C2CD2L: variants seen among roughly 807,000 people sequenced by gnomAD.
C2CD2L encodes the protein C2CD2 like, also known as phospholipid transfer protein C2CD2L.
In C2CD2L, 24 loss-of-function variants were observed where a neutral mutation model predicts 69.9. The ratio of observed to expected loss-of-function variants is 0.34; its 90% CI spans 0.25 to 0.48. C2CD2L has a LOEUF of 0.48. C2CD2L is among the 20% of genes least tolerant of loss of function. The pLI, the probability that C2CD2L is intolerant of heterozygous loss-of-function variation, is 0.99. For synonymous variants in C2CD2L, 367 were observed against 391.0 expected (o/e 0.94, Z 0.72); for missense variants, 811 against 941.5 (o/e 0.86, Z 1.81).
Position 119,107,817 on chromosome 11 carries a change from G to A in C2CD2L, c.76G>A (p.Val26Met). ...LILFAASLLT[V>M]FAWLLQYARG... ...CCTCTTCGCCGCCTCGCTGCTCACG[G>A]TGTTCGCCTGGCTGCTGCAATATGC... The change falls in exon 1 of 14, where the codon GTG becomes ATG. Residue 26 changes from valine to methionine, a missense_variant. Val to Met is a conservative substitution (Grantham distance 21). Transcript: ENST00000648610. The surrounding 1 kb of genome is among the most constrained non-coding windows in gnomAD (Gnocchi z 5.4). 1 of 1,553,828 alleles carries A rather than the reference G, an allele frequency of 6.4e-7. No individual in the cohort carries two copies.
intron 13 of C2CD2L, chr11:119,115,439 G>A (rs1430587713): frequency 1.3e-5 from 2 of 153,154 alleles, no homozygotes; most frequent in Non-Finnish European, 2.9e-5. Context: ...CTCTACCAGT[G>A]AGACTATCAA....
At position 119,107,884 on chromosome 11, in the gene C2CD2L, C is replaced by T. The variant is rs1285088100; in HGVS notation, c.143C>T (p.Pro48Leu). 13 of 1,516,602 alleles carry T rather than the reference C, an allele frequency of 8.6e-6. No individual in the cohort carries two copies. Among genetic ancestry groups the T allele is most frequent in the Non-Finnish European group, 1.1e-5 (13 of 1,140,232 alleles). 93.9% of individuals were successfully genotyped at this position (1,516,602 alleles called of 1,614,324 possible). A position where few individuals can be genotyped will look rare whatever the true frequency, so the allele number is the denominator to read the frequency against. The change falls in exon 1 of 14, where the codon CCG becomes CTG. Residue 48 changes from proline (P) to leucine (L), a missense_variant. Coordinates refer to ENST00000648610, the MANE Select transcript of C2CD2L (RefSeq NM_001290474.2). This position sits in a 1 kb window ranked among gnomAD's most constrained non-coding sequence, Gnocchi z 5.4. The part of the protein sequence containing the change: ...WLARARGDRG[P>L]GPALAGEPAG... ...GCGCGGGCCCGCGGGGACCGGGGCC[C>T]GGGACCCGCCTTAGCCGGGGAACCC...
chr11:119,115,957 CTT>C, intron 13 of C2CD2L, 86 bp from the exon 14 acceptor site: 1 of 1,099,602 alleles, frequency 9.1e-7, no homozygotes, highest in Non-Finnish European at 1.3e-6. Context: ...TCCACATCCT[CTT>C]TCCCTCCATT....
At position 119,110,229 on chromosome 11, in the gene C2CD2L, G is replaced by A. The variant is rs986319971; in HGVS notation, c.450+30G>A. 1 of 1,532,948 alleles carries A rather than the reference G, an allele frequency of 6.5e-7. No individual in the cohort carries two copies. Among genetic ancestry groups the A allele is most frequent in the Admixed American group, 1.7e-5 (1 of 59,878 alleles). The allele number at this position is 1,532,948 out of a possible 1,614,324, so 95.0% of individuals were successfully genotyped here. A position where few individuals can be genotyped will look rare whatever the true frequency, so the allele number is the denominator to read the frequency against. On this transcript the variant is annotated intron_variant, in intron 2 of 13. Coordinates refer to ENST00000648610, the MANE Select transcript of C2CD2L (RefSeq NM_001290474.2). This position sits in a 1 kb window ranked among gnomAD's most constrained non-coding sequence, Gnocchi z 5.7. ...GGGTCTGATGGGCACTGCCCTCTTT[G>A]GGGTCCAAGAAGGACTGACCCCAAG...
rs1246848840 is a variant in C2CD2L, at chr11:119,116,241, C to A, written c.2106C>A (p.Pro702=). 3.1e-6 allele frequency: 5 copies of A among 1,614,050 alleles called. No individual in the cohort carries two copies. The South Asian group carries it at 5.5e-5, about 18-fold the overall frequency. Residue 702 remains proline, a synonymous_variant, in exon 14 of 14, where the codon CCC becomes CCA. Transcript: ENST00000648610. ...CCAAACCCAAGGCCAATGGTAACCCCAGCCCCCAGCTCTGAGGACCCAGCT... is the reference window on the plus strand; with the variant it reads ...CCAAACCCAAGGCCAATGGTAACCCAAGCCCCCAGCTCTGAGGACCCAGCT... ...FKSKPKANGN[P]SPQL is the part of the protein sequence containing the mutation.
In C2CD2L at chr11:119,109,372, C is replaced by T. The variant is rs544157993; in HGVS notation, c.355-732C>T. 4.6e-5 allele frequency among the ~76,000 whole-genome samples: 7 copies of T among 152,352 alleles called. No individual in the cohort carries two copies. In the East Asian group the frequency reaches 9.6e-4, roughly 21 times the overall value. ...GGGCTGCGGTAGGTTGCTTCCATTA[C>T]TGTGGACGAATTAGGGAGCAGCTCT... On this transcript the variant is annotated intron_variant, in intron 1 of 13. Transcript: ENST00000648610. This position sits in a 1 kb window ranked among gnomAD's most constrained non-coding sequence, Gnocchi z 5.1.
rs2134949758 is a variant in C2CD2L, at chr11:119,110,316, T to C, written c.450+117T>C. On this transcript the variant is annotated intron_variant, in intron 2 of 13. Coordinates refer to ENST00000648610, the MANE Select transcript of C2CD2L (RefSeq NM_001290474.2). The surrounding 1 kb of genome is among the most constrained non-coding windows in gnomAD (Gnocchi z 5.7). ...TGTGAATGCCTTATGGATCTAAGGA[T>C]TGGTTTCAGGAAGTCTGAGAATCCC... The C allele has an allele frequency of 2.4e-6, 2 of 838,732 alleles. No homozygotes were observed. Among genetic ancestry groups the C allele is most frequent in the East Asian group, 2.6e-5 (1 of 38,252 alleles). 52.0% of individuals were successfully genotyped at this position (838,732 alleles called of 1,614,324 possible).
chr11:119,105,157 G>T (rs1946558047), upstream of C2CD2L, among the ~76,000 whole-genome samples: 1 of 152,174 alleles, frequency 6.6e-6, no homozygotes, highest in African/African-American at 2.4e-5. Flanking sequence ...AATTGCAGTT[G>T]CTTGCCCCCA....
intron 13 of C2CD2L, 40 bp from the exon 14 acceptor site, chr11:119,116,005 C>G (rs1191168770): frequency 1.3e-6 from 2 of 1,575,144 alleles, no homozygotes; most frequent in African/African-American, 2.7e-5. Context: ...CACCCCACCC[C>G]GTGCCCCTCT....
rs142761984 is a variant in C2CD2L at position 119,113,675 on chromosome 11, G to C, written c.1452G>C (p.Glu484Asp). The change falls in exon 11 of 14, where the codon GAG becomes GAC. Residue 484 changes from glutamate to aspartate, a missense_variant. Glu to Asp is a conservative substitution (Grantham distance 45). Transcript: ENST00000648610. ...AGAAGACGACAACTGTGCTGAGTGA[G>C]AGCAGTGGCCCCAGCAATACCTCCC... ...VTEKTTTVLS[E>D]SSGPSNTSHS... 2.4e-4 allele frequency: 380 copies of C among 1,613,854 alleles called. No homozygotes were observed. The highest frequency in any genetic ancestry group is 3.0e-4 in the Non-Finnish European group (350 of 1,179,988).
chr11:119,117,581 G>A lies in C2CD2L; in HGVS notation c.*1325G>A, dbSNP rs1402936185. 6.6e-6 allele frequency: 1 copy of A among 152,222 alleles called. No individual in the cohort carries two copies. Among genetic ancestry groups the A allele is most frequent in the South Asian group, 2.1e-4 (1 of 4,828 alleles). The allele number at this position is 152,222 out of a possible 1,614,324, so 9.4% of individuals were successfully genotyped here. A position where few individuals can be genotyped will look rare whatever the true frequency, so the allele number is the denominator to read the frequency against. On this transcript the variant is annotated 3_prime_UTR_variant, in exon 14 of 14. Coordinates refer to ENST00000648610, the MANE Select transcript of C2CD2L (RefSeq NM_001290474.2). Reference sequence around the variant, plus strand: ...TGGTTGTGGATGAGAAGTAAATGAAGTGCTGAGTGTTAACTGTTGCCTCAG... The same window carrying A: ...TGGTTGTGGATGAGAAGTAAATGAAATGCTGAGTGTTAACTGTTGCCTCAG...
At chr11:119,108,925 C>T (rs1286989682) in intron 1 of C2CD2L, among the ~76,000 whole-genome samples, 1 of 152,198 alleles carries the variant, frequency 6.6e-6, no homozygotes, top group Non-Finnish European at 1.5e-5. Flanking sequence ...CTTTACCTTA[C>T]TAGTTCCCCA....
rs1946776458 is a variant in C2CD2L at position 119,112,567 on chromosome 11, G to C, written c.1170G>C (p.Gly390=). The change falls in exon 9 of 14, where the codon GGG becomes GGC. Residue 390 remains glycine, a synonymous_variant. Transcript: ENST00000648610. ...SRRQLCPLTP[G]PGKALGPAAT... Reference sequence around the variant, plus strand: ...GACAGTTGTGCCCACTCACCCCAGGGCCAGGGAAAGCCCTGGGACCAGCAG... The same window carrying C: ...GACAGTTGTGCCCACTCACCCCAGGCCCAGGGAAAGCCCTGGGACCAGCAG... 5 of 1,612,590 alleles carry C rather than the reference G, an allele frequency of 3.1e-6. No individual in the cohort carries two copies. In the East Asian group the frequency reaches 8.9e-5, roughly 29 times the overall value.
In C2CD2L at chr11:119,116,147, C is replaced by A; in HGVS notation, c.2012C>A (p.Ala671Asp). The change falls in exon 14 of 14, where the codon GCC (alanine) becomes GAC (aspartate). Residue 671 changes from alanine to aspartate, a missense_variant. Physicochemically the swap from Ala to Asp is moderately radical, Grantham distance 126 (BLOSUM62 -2). Coordinates refer to ENST00000648610, the MANE Select transcript of C2CD2L (RefSeq NM_001290474.2). Reference protein sequence around the residue: ...QSHDDLSNATATPSVRKKAGS... With the variant: ...QSHDDLSNATDTPSVRKKAGS... The stretch of plus-strand genomic sequence containing the variant: ...CACGATGACCTCTCCAACGCAACGG[C>A]CACGCCCAGTGTCCGAAAGAAGGCC... The A allele has an allele frequency of 1.9e-6, 3 of 1,614,228 alleles. No individual in the cohort carries two copies. Among genetic ancestry groups the A allele is most frequent in the Non-Finnish European group, 2.5e-6 (3 of 1,180,024 alleles).
chr11:119,113,283 T>C, intron 10 of C2CD2L: 1 of 384,476 alleles, frequency 2.6e-6, no homozygotes, highest in East Asian at 4.6e-5. Flanking sequence ...CCCCACTCAG[T>C]GGGCCCCCAT....
At chr11:119,108,955 T>C (rs1057134795) in intron 1 of C2CD2L, among the ~76,000 whole-genome samples, 1 of 152,200 alleles carries the variant, frequency 6.6e-6, no homozygotes, top group African/African-American at 2.4e-5. Context: ...AACAGAAATG[T>C]CCACAAGAAA....
At position 119,110,718 on chromosome 11, in the gene C2CD2L, G is replaced by C. The variant is rs753471771; in HGVS notation, c.570+38G>C. On this transcript the variant is annotated intron_variant, in intron 3 of 13. Transcript: ENST00000648610. The surrounding 1 kb of genome is among the most constrained non-coding windows in gnomAD (Gnocchi z 5.7). ...GTGGGAAACTGAGTTGGGCAGGGGC[G>C]GTTCCATTGGCTCAGCTTCTTCCAT... 193 of 1,611,896 alleles carry C rather than the reference G, an allele frequency of 1.2e-4. 3 individuals are homozygous for C. The Middle Eastern group carries it at 6.9e-3, about 58-fold the overall frequency.
intron 1 of C2CD2L, chr11:119,108,350 CA>C (rs1419455761): frequency 1.4e-5 from 6 of 437,682 alleles, no homozygotes; most frequent in Non-Finnish European, 2.4e-5. Context: ...GTTCTCATAG[CA>C]ACGCTAATCC....
Position 119,114,370 on chromosome 11 carries a change from G to C in C2CD2L, c.1909+5G>C, listed in dbSNP as rs750347894. On this transcript the variant is annotated splice_donor_5th_base_variant and intron_variant, in intron 13 of 13. Transcript: ENST00000648610. The surrounding 1 kb of genome is among the most constrained non-coding windows in gnomAD (Gnocchi z 5.1). The stretch of plus-strand genomic sequence containing the variant: ...GCAGCCTCAAGGATCACAAAGGTAG[G>C]GGGACGTTGGCAGGGTGCCCCTCAT... 4 of 1,613,508 alleles carry C rather than the reference G, an allele frequency of 2.5e-6. No individual in the cohort carries two copies. The African/African-American group carries it at 5.3e-5, about 22-fold the overall frequency.
Sources: gnomAD v4.1 joint callset for allele counts (sites outside exome capture counted in the v4.1 genomes callset) on GRCh38, gnomAD v4.1.1 for gene constraint, Gnocchi (gnomAD v3.1) non-coding constraint, MANE v1.5 for transcripts, NCBI Gene and HGNC (gene_info 2026-07-23, HGNC 2026-07-21) for gene names.